The following LDB3 variants were observed in gnomAD, a reference collection of about 807,000 sequenced individuals.
The protein encoded by LDB3 is LIM domain binding 3.
In LDB3, 49 loss-of-function variants were observed where a neutral mutation model predicts 69.0. The observed-to-expected ratio is 0.71, with a 90% CI of 0.56 to 0.90. The LOEUF (loss-of-function observed/expected upper bound fraction) is 0.90, where lower values mean the gene tolerates loss of function less well. Among genes scored for constraint, LDB3 ranks in the 40% least tolerant of loss-of-function variants. LDB3 has a pLI of 0.00. For synonymous variants in LDB3, 387 were observed against 396.2 expected, an observed-to-expected ratio of 0.98 and a Z score of 0.28; for missense variants, 928 against 974.1, an observed-to-expected ratio of 0.95 and a Z score of 0.63.
chr10:86,680,708 A>G (rs1243689319), intron 4 of LDB3, among the ~76,000 whole-genome samples: 3 of 152,194 alleles, frequency 2.0e-5, no homozygotes. Context: ...AGGGAGGCCA[A>G]GCCCTGGCTC....
intron 2 of LDB3, among the ~76,000 whole-genome samples, chr10:86,670,508 T>A (rs1209700148): frequency 6.6e-6 from 1 of 152,146 alleles, no homozygotes; most frequent in African/African-American, 2.4e-5. Context: ...GCCCTATCCC[T>A]ATGGGTGCAA....
chr10:86,729,522 A>T (rs1333407014), intron 13 of LDB3, among the ~76,000 whole-genome samples: 1 of 152,130 alleles, frequency 6.6e-6, no homozygotes, highest in Non-Finnish European at 1.5e-5. Context: ...CTAGTTTATT[A>T]CCCTAACTCT....
chr10:86,700,147 G>C (rs574647435), intron 7 of LDB3: 40 of 805,984 alleles, frequency 5.0e-5, no homozygotes, highest in African/African-American at 5.6e-5. Context: ...CATCAGAAGA[G>C]GAGCAGGGGC....
At chr10:86,687,522 C>T (rs1845548887) in intron 5 of LDB3, among the ~76,000 whole-genome samples, 1 of 152,260 alleles carries the variant, frequency 6.6e-6, no homozygotes, top group African/African-American at 2.4e-5. Flanking sequence ...GTGCTTTTCA[C>T]AGCCTCTGCA....
rs1295922690 is a variant in LDB3, at chr10:86,716,574, T to C, written c.1479T>C (p.Asp493=). The change falls in exon 10 of 14, where the codon GAT becomes GAC. Residue 493 remains aspartate (D), a synonymous_variant. Transcript: ENST00000361373. ...CCAGCCGTCCACCCTGGGTGACAGATGATAGCTTCTCCCAGAAGTTTGCCC... is the reference window on the plus strand; with the variant it reads ...CCAGCCGTCCACCCTGGGTGACAGACGATAGCTTCTCCCAGAAGTTTGCCC... The part of the protein sequence containing the change: ...EPASRPPWVT[D]DSFSQKFAPG... 2 of 1,613,658 alleles carry C rather than the reference T, an allele frequency of 1.2e-6. No individual in the cohort carries two copies. The highest frequency in any genetic ancestry group is 2.2e-5 in the South Asian group (2 of 91,050).
intron 7 of LDB3, among the ~76,000 whole-genome samples, chr10:86,702,948 G>A (rs778534267): frequency 2.5e-4 from 38 of 152,138 alleles, no homozygotes; most frequent in Non-Finnish European, 4.6e-4. Flanking sequence ...GGTGATCATC[G>A]TCCTGGTGCT....
At chr10:86,687,211 C>T in intron 5 of LDB3, 1 of 1,614,246 alleles carries the variant, frequency 6.2e-7, no homozygotes, top group Non-Finnish European at 8.5e-7. Context: ...CATGTATTCC[C>T]AGGATGCCAT....
rs1564667956 is a variant in LDB3 at position 86,735,254 on chromosome 10, AAAAAAAC to A, written c.*2285_*2291del. On this transcript the variant is annotated 3_prime_UTR_variant, in exon 14 of 14. Coordinates refer to ENST00000361373, the MANE Select transcript of LDB3 (RefSeq NM_007078.3). ...TTGCCAAAAAGACAAAACTAGCAAA[AAAAAAAC>A]AAAAAAACAAAAAAAAAACCACTTA... is the stretch of plus-strand genomic sequence containing the variant. 6.6e-6 allele frequency: 1 copy of A among 151,326 alleles called. No homozygotes were observed. The highest frequency in any genetic ancestry group is 1.5e-5 in the Non-Finnish European group (1 of 67,884). The allele number at this position is 151,326 out of a possible 1,614,324, so 9.4% of individuals were successfully genotyped here.
At chr10:86,722,481 C>T (rs143925234) in intron 12 of LDB3, among the ~76,000 whole-genome samples, 25,855 of 149,992 alleles carry the variant, frequency 0.17, 2,799 homozygotes, top group East Asian at 0.56. Flanking sequence ...AGGATGGTCT[C>T]GATCTCCTGA....
Position 86,717,979 on chromosome 10 carries a change from A to G in LDB3, c.1692A>G (p.Val564=), listed in dbSNP as rs1377391114. 6.2e-7 allele frequency: 1 copy of G among 1,614,092 alleles called. No individual in the cohort carries two copies. The highest frequency in any genetic ancestry group is 1.3e-5 in the African/African-American group (1 of 75,044). The change falls in exon 11 of 14, where the codon GTA becomes GTG. Residue 564 remains valine, a synonymous_variant. Coordinates refer to ENST00000361373, the MANE Select transcript of LDB3 (RefSeq NM_007078.3). ...GCTTCCCCAGGGGCCCATTTCTGGT[A>G]GCCATGGGCCGTTCTTGGCACCCTG... ...CNNVIRGPFL[V]AMGRSWHPEE...
chr10:86,726,020 C>G (rs1382283085), intron 12 of LDB3, 117 bp from the exon 13 acceptor site: 2 of 717,546 alleles, frequency 2.8e-6, no homozygotes, highest in Non-Finnish European at 5.1e-6. Context: ...TGTGAGATGA[C>G]AAACAACCAA....
Position 86,679,289 on chromosome 10 carries a change from G to C in LDB3, c.94-78G>C, listed in dbSNP as rs1844972769. 13 of 1,555,406 alleles carry C rather than the reference G, an allele frequency of 8.4e-6. No individual in the cohort carries two copies. In the South Asian group the frequency reaches 1.4e-4, roughly 17 times the overall value. ...GACGGCTTCTGTTGAATACTCCCGG[G>C]TGACTCTTCCCCAAGGACTGGCCTT... is the stretch of plus-strand genomic sequence containing the variant. On this transcript the variant is annotated intron_variant, in intron 2 of 13. Coordinates refer to ENST00000361373, the MANE Select transcript of LDB3 (RefSeq NM_007078.3).
At chr10:86,703,344 C>A (rs1846331275) in intron 7 of LDB3, among the ~76,000 whole-genome samples, 1 of 152,236 alleles carries the variant, frequency 6.6e-6, no homozygotes, top group Non-Finnish European at 1.5e-5. Flanking sequence ...GCAGCTACTT[C>A]TCTGAGGCAG....
In LDB3 at chr10:86,706,594, T is replaced by A; in HGVS notation, c.960T>A (p.Ser320=). 6.2e-7 allele frequency: 1 copy of A among 1,613,216 alleles called. No individual in the cohort carries two copies. Among genetic ancestry groups the A allele is most frequent in the East Asian group, 2.2e-5 (1 of 44,868 alleles). Residue 320 remains serine (S), a synonymous_variant, in exon 8 of 14, where the codon TCT becomes TCA. Transcript: ENST00000361373. ...SQATTPLLPA[S]AQPPAAASPS... ...CCACCACCCCGCTGCTGCCCGCTTC[T>A]GCCCAGCCACCTGCTGCTGCCTCTC...
At chr10:86,667,542 C>T (rs34959905), upstream of LDB3, among the ~76,000 whole-genome samples, 13,104 of 152,318 alleles carry the variant, frequency 0.086, 862 homozygotes, top group Non-Finnish European at 0.13. Context: ...GTGCTTCCCC[C>T]TCCCTGCCCC....
At chr10:86,701,578 G>A (rs550310902) in intron 7 of LDB3, among the ~76,000 whole-genome samples, 27 of 152,356 alleles carry the variant, frequency 1.8e-4, no homozygotes, top group Non-Finnish European at 2.6e-4. Context: ...TAAAGGAATC[G>A]GAAAGGGCCG....
chr10:86,713,183 T>C lies in LDB3; in HGVS notation c.1231+3133T>C, dbSNP rs1846732577. ...CACTTCTTGGTCGGACTAGCCACAT[T>C]TCAGCTGCTCATCGGCCACGTAGCA... On this transcript the variant is annotated intron_variant, in intron 9 of 13. Coordinates refer to ENST00000361373, the MANE Select transcript of LDB3 (RefSeq NM_007078.3). Among the ~76,000 whole-genome samples, 3 of 152,172 alleles carry C rather than the reference T, an allele frequency of 2.0e-5. No homozygotes were observed. In the South Asian group the frequency reaches 6.2e-4, roughly 32 times the overall value.
In LDB3 at chr10:86,696,706, G is replaced by A. The variant is rs1220201793; in HGVS notation, c.896+4135G>A. The stretch of plus-strand genomic sequence containing the variant: ...CCTGTGTCCTCGGTAGTGTCTACGG[G>A]ATGGTCAGGACTGTTTGTAGTGCTG... On this transcript the variant is annotated intron_variant, in intron 7 of 13. Coordinates refer to ENST00000361373, the MANE Select transcript of LDB3 (RefSeq NM_007078.3). 1.3e-4 allele frequency among the ~76,000 whole-genome samples: 20 copies of A among 152,338 alleles called. No individual in the cohort carries two copies. In the East Asian group the frequency reaches 3.7e-3, roughly 28 times the overall value.
Position 86,733,067 on chromosome 10 carries a change from A to G in LDB3, c.*91A>G, listed in dbSNP as rs571962978. ...GGAGGCTGATGTTTCTTCTGAGGGG[A>G]ATGGGGAGAGAGAGGAAGCGACTGA... On this transcript the variant is annotated 3_prime_UTR_variant, in exon 14 of 14. Coordinates refer to ENST00000361373, the MANE Select transcript of LDB3 (RefSeq NM_007078.3). 5 of 899,016 alleles carry G rather than the reference A, an allele frequency of 5.6e-6. No homozygotes were observed. In the South Asian group the frequency reaches 5.6e-5, roughly 10 times the overall value. The allele number at this position is 899,016 out of a possible 1,614,324, so 55.7% of individuals were successfully genotyped here. A position where few individuals can be genotyped will look rare whatever the true frequency, so the allele number is the denominator to read the frequency against.
Sources: gnomAD v4.1 joint callset for allele counts (sites outside exome capture counted in the v4.1 genomes callset) on GRCh38, gnomAD v4.1.1 for gene constraint, MANE v1.5 for transcripts, NCBI Gene and HGNC (gene_info 2026-07-23, HGNC 2026-07-21) for gene names.